The following GOLGB1 variants were observed in gnomAD, a reference collection of about 807,000 sequenced individuals.
GOLGB1 encodes the protein golgin B1.
Under a neutral mutation model 336.9 loss-of-function variants are expected in GOLGB1, and 174 were observed. That is an observed-to-expected ratio of 0.52 (90% CI 0.46 to 0.59). GOLGB1 has a LOEUF of 0.59. Among genes scored for constraint, GOLGB1 ranks in the 20% least tolerant of loss-of-function variants. GOLGB1 has a pLI of 0.00. For missense variants in GOLGB1, 3,331 were observed against 3,645.3 expected, an observed-to-expected ratio of 0.91 and a Z score of 2.22; for synonymous variants, 1,208 against 1,289.2, an observed-to-expected ratio of 0.94 and a Z score of 1.35.
At chr3:121,670,724 G>C (rs1258211609) in intron 17 of GOLGB1, among the ~76,000 whole-genome samples, 1 of 138,394 alleles carries the variant, frequency 7.2e-6, no homozygotes, top group African/African-American at 2.7e-5. Flanking sequence ...AGTCTAGCAA[G>C]GAAAGCTAAG....
chr3:121,725,583 G>A (rs1247880675), intron 5 of GOLGB1, among the ~76,000 whole-genome samples: 1 of 152,094 alleles, frequency 6.6e-6, no homozygotes, highest in Non-Finnish European at 1.5e-5. Flanking sequence ...GGGCTGTGGG[G>A]ATGCAATTAA....
In GOLGB1 at chr3:121,691,357, A is replaced by G. The variant is rs1402640361; in HGVS notation, c.8007T>C (p.Cys2669=). 1 of 1,613,030 alleles carries G rather than the reference A, an allele frequency of 6.2e-7. No homozygotes were observed. Residue 2669 remains cysteine (C), a synonymous_variant, in exon 14 of 22, where the codon TGT becomes TGC. Transcript: ENST00000614479. ...CCTTCTTGGCAGCTTCCTTTTGAAC[A>G]CAAACCAATTCTTCTTCCAGTTCTG... The part of the protein sequence containing the change: ...RIAELEEELV[C]VQKEAAKKVG...
chr3:121,728,448 C>T (rs1378496480), intron 4 of GOLGB1, among the ~76,000 whole-genome samples: 1 of 152,194 alleles, frequency 6.6e-6, no homozygotes, highest in Non-Finnish European at 1.5e-5. Flanking sequence ...TCTATAACTA[C>T]AGTATGCATG....
chr3:121,667,717 A>T, intron 19 of GOLGB1, 107 bp from the exon 20 acceptor site: 2 of 962,210 alleles, frequency 2.1e-6, no homozygotes, highest in Non-Finnish European at 3.1e-6. Context: ...AATCCATAGA[A>T]GCTTGTCTAA....
At chr3:121,680,196 AG>A (rs1560186215) in intron 15 of GOLGB1, among the ~76,000 whole-genome samples, 1 of 152,174 alleles carries the variant, frequency 6.6e-6, no homozygotes, top group Non-Finnish European at 1.5e-5. Context: ...CCATCCACCT[AG>A]TGTCTTCCTT....
chr3:121,705,335 T>C (rs1943722519), intron 10 of GOLGB1, among the ~76,000 whole-genome samples: 1 of 152,196 alleles, frequency 6.6e-6, no homozygotes, highest in African/African-American at 2.4e-5. Context: ...TTGCTTCTGC[T>C]AAAGACTGAG....
At chr3:121,689,832 C>A (rs996134168) in intron 14 of GOLGB1, among the ~76,000 whole-genome samples, 26 of 152,172 alleles carry the variant, frequency 1.7e-4, no homozygotes, top group Non-Finnish European at 2.6e-4. Flanking sequence ...CAAGTAGAAT[C>A]CCCTAACAAG....
chr3:121,742,967 C>A (rs984674124), intron 1 of GOLGB1, among the ~76,000 whole-genome samples: 1 of 152,174 alleles, frequency 6.6e-6, no homozygotes, highest in African/African-American at 2.4e-5. Flanking sequence ...CAGGAAACAA[C>A]AGGTGCTGGA....
At chr3:121,726,032 C>G in intron 5 of GOLGB1, among the ~76,000 whole-genome samples, 1 of 150,258 alleles carries the variant, frequency 6.7e-6, no homozygotes, top group East Asian at 1.9e-4. Flanking sequence ...AAAAACAAAA[C>G]TAAGGAGCAG....
At chr3:121,705,498 C>G (rs758963109) in intron 10 of GOLGB1, among the ~76,000 whole-genome samples, 1 of 152,120 alleles carries the variant, frequency 6.6e-6, no homozygotes, top group Non-Finnish European at 1.5e-5. Flanking sequence ...TAAAACTGAC[C>G]AAGCTTCATG....
rs555350343 is a variant in GOLGB1, at chr3:121,718,926, A to C, written c.772-425T>G. 6.6e-5 allele frequency among the ~76,000 whole-genome samples: 10 copies of C among 152,322 alleles called. No homozygotes were observed. The South Asian group carries it at 1.9e-3, about 28-fold the overall frequency. On this transcript the variant is annotated intron_variant, in intron 7 of 21. Coordinates refer to ENST00000614479, the MANE Select transcript of GOLGB1 (RefSeq NM_001366282.2). ...GCACTGGGCAGGCACTTGAAAAAAA[A>C]TTGTTGAATAAATAAAGCAATGATA...
intron 5 of GOLGB1, among the ~76,000 whole-genome samples, chr3:121,725,261 T>A (rs1424094875): frequency 6.6e-6 from 1 of 152,216 alleles, no homozygotes; most frequent in Non-Finnish European, 1.5e-5. Context: ...CTGGGAATGC[T>A]GGCTGGACTA....
At chr3:121,710,103 G>GAA (rs4048702) in intron 10 of GOLGB1, among the ~76,000 whole-genome samples, 14,018 of 131,116 alleles carry the variant, frequency 0.11, 786 homozygotes, top group South Asian at 0.17. Context: ...GCACCGGGTG[G>GAA]AAAAAAAAAA....
rs1221463755 is a variant in GOLGB1 at position 121,664,314 on chromosome 3, C to G, written c.*166G>C. ...AGCAGACTCGCCAGTCCCTGCAGCT[C>G]CAACCTGTCCTCGTATCCACCTCTG... On this transcript the variant is annotated 3_prime_UTR_variant, in exon 22 of 22. Transcript: ENST00000614479. 1.5e-6 allele frequency: 1 copy of G among 655,298 alleles called. No homozygotes were observed. The highest frequency in any genetic ancestry group is 1.8e-5 in the African/African-American group (1 of 54,606). 40.6% of individuals were successfully genotyped at this position (655,298 alleles called of 1,614,324 possible). A position where few individuals can be genotyped will look rare whatever the true frequency, so the allele number is the denominator to read the frequency against.
intron 17 of GOLGB1, among the ~76,000 whole-genome samples, chr3:121,674,103 C>T (rs1939984229): frequency 6.6e-6 from 1 of 152,148 alleles, no homozygotes; most frequent in Non-Finnish European, 1.5e-5. Context: ...TTGATTTTGT[C>T]TCCTGCAACT....
Position 121,694,200 on chromosome 3 carries a change from T to C in GOLGB1, c.6323A>G (p.Lys2108Arg), listed in dbSNP as rs1942729388. 6.2e-7 allele frequency: 1 copy of C among 1,612,204 alleles called. No individual in the cohort carries two copies. The highest frequency in any genetic ancestry group is 1.3e-5 in the African/African-American group (1 of 74,936). The change falls in exon 13 of 22, where the codon AAG becomes AGG. Residue 2108 changes from lysine (K) to arginine (R), a missense_variant. Coordinates refer to ENST00000614479, the MANE Select transcript of GOLGB1 (RefSeq NM_001366282.2). ...TGATTCTTTATTTGACTGAAGTTCC[T>C]TTTTCAACTTGAGATTGTCTGCTAG... ...RVLADNLKLK[K>R]ELQSNKESVK...
chr3:121,689,730 T>C (rs1334585617), intron 14 of GOLGB1, among the ~76,000 whole-genome samples: 1 of 151,974 alleles, frequency 6.6e-6, no homozygotes, highest in Non-Finnish European at 1.5e-5. Flanking sequence ...CTTTCAAAAC[T>C]CCATTTATTT....
At chr3:121,737,834 G>A (rs1189063971) in intron 1 of GOLGB1, among the ~76,000 whole-genome samples, 1 of 152,040 alleles carries the variant, frequency 6.6e-6, no homozygotes, top group Admixed American at 6.6e-5. Flanking sequence ...ATTGTCTTGG[G>A]TAATCTAAGT....
At chr3:121,720,872 G>A (rs936906750) in intron 6 of GOLGB1, among the ~76,000 whole-genome samples, 2 of 152,088 alleles carry the variant, frequency 1.3e-5, no homozygotes, top group African/African-American at 2.4e-5. Flanking sequence ...ACTTTTCCGT[G>A]TAATTTTCCT....
Sources: allele counts gnomAD v4.1 joint callset (sites outside exome capture counted in the v4.1 genomes callset), GRCh38; gene constraint gnomAD v4.1.1; transcripts MANE v1.5; gene names NCBI Gene and HGNC (gene_info 2026-07-23, HGNC 2026-07-21).